DERL1: variants seen among roughly 807,000 people sequenced by gnomAD.
DERL1 encodes the protein derlin-1.
Under a neutral mutation model 41.6 loss-of-function variants are expected in DERL1, and 24 were observed. The ratio of observed to expected loss-of-function variants is 0.58; its 90% CI spans 0.42 to 0.81. DERL1 has a LOEUF of 0.81. Ranked by LOEUF, DERL1 falls within the 30% of genes least tolerant of loss-of-function variation. The probability of loss-of-function intolerance (pLI) is 0.00; values close to 1 mark genes in which losing one functional copy is unlikely to be tolerated. For missense variants in DERL1, 260 were observed against 314.3 expected (o/e 0.83, Z 1.31); for synonymous variants, 124 against 112.5 (o/e 1.10, Z -0.65).
chr8:123,028,230 T>C (rs1333109809), intron 2 of DERL1, among the ~76,000 whole-genome samples: 9 of 152,054 alleles, frequency 5.9e-5, no homozygotes, highest in African/African-American at 2.4e-5. Context: ...AGGACAGCAA[T>C]AGATATAAAT....
Position 123,042,221 on chromosome 8 carries a change from GGAAGCCGCC to G in DERL1, c.-108_-100del. On this transcript the variant is annotated 5_prime_UTR_variant, in exon 1 of 8. Coordinates refer to ENST00000259512, the MANE Select transcript of DERL1 (RefSeq NM_024295.6). ...CTCCGCGACTGTTAGGTGTCTAGGT[GGAAGCCGCC>G]GAAGCCGCGATGCAGAAGGCGGAGA... 2 of 1,395,642 alleles carry G rather than the reference GGAAGCCGCC, an allele frequency of 1.4e-6. No homozygotes were observed. Among genetic ancestry groups the G allele is most frequent in the Non-Finnish European group, 1.9e-6 (2 of 1,068,732 alleles). The allele number at this position is 1,395,642 out of a possible 1,614,324, so 86.5% of individuals were successfully genotyped here.
intron 1 of DERL1, among the ~76,000 whole-genome samples, chr8:123,035,160 A>G (rs1224205186): frequency 6.6e-6 from 1 of 152,200 alleles, no homozygotes; most frequent in African/African-American, 2.4e-5. Context: ...GACTATTTTT[A>G]GTCACTGTTT....
chr8:123,041,949 C>T, intron 1 of DERL1, 21 bp downstream of exon 1: 3 of 1,589,194 alleles, frequency 1.9e-6, no homozygotes, highest in Non-Finnish European at 1.7e-6. Context: ...AGTCTCCACG[C>T]CCCCCGTCTC....
intron 1 of DERL1, among the ~76,000 whole-genome samples, chr8:123,032,945 C>A (rs558971025): frequency 6.8e-6 from 1 of 146,210 alleles, no homozygotes; most frequent in Non-Finnish European, 1.5e-5. Flanking sequence ...CTCACTGTAA[C>A]CTCAAATTTC....
chr8:123,016,764 T>C (rs1427170164), intron 7 of DERL1: 1 of 152,210 alleles, frequency 6.6e-6, no homozygotes, highest in Non-Finnish European at 1.5e-5. Context: ...GGGACAGCAG[T>C]CAGTGACTGG....
At chr8:123,030,754 T>C in intron 1 of DERL1, 38 bp from the exon 2 acceptor site, 1 of 1,397,544 alleles carries the variant, frequency 7.2e-7, no homozygotes, top group Non-Finnish European at 1.0e-6. Flanking sequence ...TTAGTTTCTG[T>C]AAGCCTGGTT....
intron 2 of DERL1, among the ~76,000 whole-genome samples, chr8:123,029,982 C>T (rs368181077): frequency 6.6e-6 from 1 of 152,076 alleles, no homozygotes; most frequent in Admixed American, 6.6e-5. Context: ...ATTGCTTGAA[C>T]CCGAGAGGCA....
intron 7 of DERL1, chr8:123,017,376 A>G (rs2130453043): frequency 6.6e-6 from 1 of 152,304 alleles, no homozygotes; most frequent in Non-Finnish European, 1.5e-5. Flanking sequence ...TCCAAAGTAC[A>G]TAATAAAATA....
chr8:123,023,821 T>G lies in DERL1; in HGVS notation c.331-82A>C, dbSNP rs536590018. ...CTGATGTGGTTATTTTCCTCCCATT[T>G]AAAAGTTCACTTGGCCAGGTGTAAT... On this transcript the variant is annotated intron_variant, in intron 3 of 7. Coordinates refer to ENST00000259512, the MANE Select transcript of DERL1 (RefSeq NM_024295.6). The G allele has an allele frequency of 1.9e-5, 29 of 1,502,316 alleles. No individual in the cohort carries two copies. The South Asian group carries it at 3.3e-4, about 17-fold the overall frequency. 93.1% of individuals were successfully genotyped at this position (1,502,316 alleles called of 1,614,324 possible).
At chr8:123,016,978 A>AGAATT in intron 7 of DERL1, 1 of 152,128 alleles carries the variant, frequency 6.6e-6, no homozygotes, top group Non-Finnish European at 1.5e-5. Flanking sequence ...TAGCTGGGAC[A>AGAATT]ACAGGCGCCC....
chr8:123,015,658 G>A (rs1258028881), intron 7 of DERL1, 73 bp from the exon 8 acceptor site: 2 of 1,501,710 alleles, frequency 1.3e-6, no homozygotes, highest in Non-Finnish European at 1.8e-6. Context: ...TCTGACCTCC[G>A]AGAACACCTC....
rs2130443694 is a variant in DERL1, at chr8:123,013,708, T to A, written c.*1739A>T. The A allele has an allele frequency of 6.6e-6, 1 of 152,360 alleles. No homozygotes were observed. The highest frequency in any genetic ancestry group is 2.4e-5 in the African/African-American group (1 of 41,570). The allele number at this position is 152,360 out of a possible 1,614,324, so 9.4% of individuals were successfully genotyped here. ...ACCAGAGACTCCGGGTCACTCACTG[T>A]CAGAATATTCTTATACATACAATGA... is the stretch of plus-strand genomic sequence containing the variant. On this transcript the variant is annotated 3_prime_UTR_variant, in exon 8 of 8. Transcript: ENST00000259512.
At chr8:123,029,382 T>G (rs542792531) in intron 2 of DERL1, among the ~76,000 whole-genome samples, 1 of 152,348 alleles carries the variant, frequency 6.6e-6, no homozygotes, top group East Asian at 1.9e-4. Context: ...TACAATTTCT[T>G]TCTTTTTAAA....
intron 1 of DERL1, among the ~76,000 whole-genome samples, chr8:123,034,412 T>C (rs1242434850): frequency 6.6e-6 from 1 of 152,208 alleles, no homozygotes; most frequent in Non-Finnish European, 1.5e-5. Flanking sequence ...GGGTTTAAGT[T>C]TTTGCTTATA....
intron 1 of DERL1, 130 bp downstream of exon 1, chr8:123,041,840 A>C: frequency 7.6e-7 from 1 of 1,315,168 alleles, no homozygotes; most frequent in Non-Finnish European, 1.0e-6. Flanking sequence ...ACCCCGCCCT[A>C]AACCGCCGGC....
At chr8:123,022,351 A>T (rs1044033351) in intron 5 of DERL1, among the ~76,000 whole-genome samples, 2 of 152,202 alleles carry the variant, frequency 1.3e-5, no homozygotes, top group Admixed American at 1.3e-4. Flanking sequence ...TAAAGCAAAT[A>T]ACAGGGAACG....
chr8:123,036,028 T>C (rs77681965), intron 1 of DERL1, among the ~76,000 whole-genome samples: 13,056 of 151,994 alleles, frequency 0.086, 702 homozygotes, highest in East Asian at 0.16. Flanking sequence ...ACACAACGGG[T>C]AGGCAAGAAA....
At chr8:123,026,532 G>GTA (rs1460167685) in intron 2 of DERL1, among the ~76,000 whole-genome samples, 1 of 152,192 alleles carries the variant, frequency 6.6e-6, no homozygotes, top group East Asian at 1.9e-4. Context: ...AAAATGTGCA[G>GTA]GTGGCAAACA....
chr8:123,021,436 A>G lies in DERL1; in HGVS notation c.506+11T>C, dbSNP rs1311333697. On this transcript the variant is annotated intron_variant, in intron 6 of 7. Transcript: ENST00000259512. Reference sequence around the variant, plus strand: ...ATTAGTTTCCAATTAAATAAATCTAATATCACTTACGAGCCTCCGATGATA... The same window carrying G: ...ATTAGTTTCCAATTAAATAAATCTAGTATCACTTACGAGCCTCCGATGATA... The G allele has an allele frequency of 3.7e-6, 6 of 1,611,080 alleles. No individual in the cohort carries two copies. Among genetic ancestry groups the G allele is most frequent in the African/African-American group, 2.7e-5 (2 of 75,010 alleles).
Sources: gnomAD v4.1 joint callset for allele counts (sites outside exome capture counted in the v4.1 genomes callset) on GRCh38, gnomAD v4.1.1 for gene constraint, MANE v1.5 for transcripts, NCBI Gene and HGNC (gene_info 2026-07-23, HGNC 2026-07-21) for gene names.